The following CACUL1 variants were observed in gnomAD, a reference collection of about 807,000 sequenced individuals.
CACUL1 encodes CDK2 associated cullin domain 1, also known as CDK2-associated and cullin domain-containing protein 1.
A neutral mutation model predicts 45.2 loss-of-function variants in CACUL1; 13 were observed. The observed-to-expected ratio is 0.29, with a 90% CI of 0.19 to 0.46. The LOEUF (loss-of-function observed/expected upper bound fraction) is 0.46, where lower values mean the gene tolerates loss of function less well. Among genes scored for constraint, CACUL1 ranks in the 20% least tolerant of loss-of-function variants. CACUL1 has a pLI of 1.00. For missense variants in CACUL1, 421 were observed against 471.4 expected, an observed-to-expected ratio of 0.89 and a Z score of 0.99; for synonymous variants, 197 against 174.2, an observed-to-expected ratio of 1.13 and a Z score of -1.03.
At chr10:118,711,020 T>G (rs1845479886) in intron 3 of CACUL1, among the ~76,000 whole-genome samples, 1 of 152,228 alleles carries the variant, frequency 6.6e-6, no homozygotes, top group Non-Finnish European at 1.5e-5. Context: ...TATATGCAAC[T>G]AGTAAGTAAA....
chr10:118,704,590 C>A (rs1845416350), intron 4 of CACUL1, among the ~76,000 whole-genome samples: 1 of 152,230 alleles, frequency 6.6e-6, no homozygotes, highest in Admixed American at 6.5e-5. Context: ...GACCCCCACC[C>A]TTCACCTATT....
chr10:118,715,582 G>A (rs1011190234), intron 3 of CACUL1, among the ~76,000 whole-genome samples: 2 of 152,036 alleles, frequency 1.3e-5, no homozygotes. Flanking sequence ...ATTAAACTAA[G>A]GAACCAAATA....
chr10:118,748,009 C>T (rs1281278194), intron 1 of CACUL1, among the ~76,000 whole-genome samples: 2 of 152,016 alleles, frequency 1.3e-5, no homozygotes, highest in Admixed American at 6.6e-5. Context: ...CACTTGAACC[C>T]GGGAGCCAGA....
At chr10:118,734,739 G>A (rs1053686312) in intron 1 of CACUL1, among the ~76,000 whole-genome samples, 4 of 152,288 alleles carry the variant, frequency 2.6e-5, no homozygotes, top group South Asian at 2.1e-4. Flanking sequence ...ACATCATGCC[G>A]CAAGGCTTAA....
intron 1 of CACUL1, among the ~76,000 whole-genome samples, chr10:118,743,762 G>GA (rs1158665276): frequency 6.6e-6 from 1 of 151,500 alleles, no homozygotes; most frequent in African/African-American, 2.4e-5. Flanking sequence ...ATGCAGGTCA[G>GA]AAGACAATGG....
At chr10:118,688,272 T>C (rs1845227915) in intron 7 of CACUL1, among the ~76,000 whole-genome samples, 1 of 152,246 alleles carries the variant, frequency 6.6e-6, no homozygotes, top group African/African-American at 2.4e-5. Context: ...ACCTCTGTAG[T>C]CAACACTACA....
At chr10:118,745,469 G>A (rs1845832494) in intron 1 of CACUL1, among the ~76,000 whole-genome samples, 3 of 152,170 alleles carry the variant, frequency 2.0e-5, no homozygotes, top group Admixed American at 2.0e-4. Context: ...GGCTGAGAAA[G>A]GGAATCGCTT....
At chr10:118,710,141 G>GTCTTAAAT (rs1845470891) in intron 3 of CACUL1, among the ~76,000 whole-genome samples, 2 of 151,286 alleles carry the variant, frequency 1.3e-5, no homozygotes, top group Admixed American at 1.3e-4. Flanking sequence ...GCCCAGACTG[G>GTCTTAAAT]TCTTAAATTC....
intron 4 of CACUL1, among the ~76,000 whole-genome samples, chr10:118,702,318 T>G (rs1275431350): frequency 6.6e-6 from 1 of 152,182 alleles, no homozygotes; most frequent in African/African-American, 2.4e-5. Context: ...CACAAAAGCC[T>G]GTTGGTGGTC....
chr10:118,744,034 C>T (rs1191779329), intron 1 of CACUL1, among the ~76,000 whole-genome samples: 3 of 152,202 alleles, frequency 2.0e-5, no homozygotes, highest in Non-Finnish European at 4.4e-5. Context: ...AAATACAAAA[C>T]ACTTACATTC....
intron 3 of CACUL1, among the ~76,000 whole-genome samples, chr10:118,718,560 T>G (rs1264525365): frequency 6.6e-6 from 1 of 152,090 alleles, no homozygotes; most frequent in East Asian, 1.9e-4. Context: ...GTGAAGATAT[T>G]TACTTTTATT....
At chr10:118,687,238 G>A (rs1245129395) in intron 7 of CACUL1, among the ~76,000 whole-genome samples, 1 of 151,936 alleles carries the variant, frequency 6.6e-6, no homozygotes, top group Non-Finnish European at 1.5e-5. Flanking sequence ...CTCTCCACAG[G>A]CCAGAGGCTC....
rs190454186 is a variant in CACUL1, at chr10:118,682,004, C to T, written c.*4124G>A. The T allele has an allele frequency of 2.0e-5, 3 of 152,316 alleles. No individual in the cohort carries two copies. The East Asian group carries it at 5.8e-4, about 29-fold the overall frequency. The allele number at this position is 152,316 out of a possible 1,614,324, so 9.4% of individuals were successfully genotyped here. On this transcript the variant is annotated 3_prime_UTR_variant, in exon 9 of 9. Transcript: ENST00000369151. ...CTATGACCTCCATTTTAACTTCTGA[C>T]AAAGTTAACTTCATTTATACAATCG...
chr10:118,677,865 T>C lies in CACUL1; in HGVS notation c.*8263A>G, dbSNP rs180968437. 23 of 152,374 alleles carry C rather than the reference T, an allele frequency of 1.5e-4. No homozygotes were observed. Among genetic ancestry groups the C allele is most frequent in the African/African-American group, 5.5e-4 (23 of 41,596 alleles). The allele number at this position is 152,374 out of a possible 1,614,324, so 9.4% of individuals were successfully genotyped here. On this transcript the variant is annotated 3_prime_UTR_variant, in exon 9 of 9. Coordinates refer to ENST00000369151, the MANE Select transcript of CACUL1 (RefSeq NM_153810.5). Reference sequence around the variant, plus strand: ...ACATGCACATGAGTTTTTCTAAGTATAAATAGTGGGCTATTAAGAGGTGCC... The same window carrying C: ...ACATGCACATGAGTTTTTCTAAGTACAAATAGTGGGCTATTAAGAGGTGCC...
intron 3 of CACUL1, among the ~76,000 whole-genome samples, chr10:118,726,929 CGCT>C (rs1054749403): frequency 2.0e-5 from 3 of 152,094 alleles, no homozygotes; most frequent in East Asian, 1.9e-4. Flanking sequence ...AACCACTCCC[CGCT>C]GCTATTTAAT....
At chr10:118,703,656 A>C (rs900012997) in intron 4 of CACUL1, among the ~76,000 whole-genome samples, 3 of 152,212 alleles carry the variant, frequency 2.0e-5, no homozygotes, top group African/African-American at 7.2e-5. Flanking sequence ...TCTTCCAAAG[A>C]GGCTTTACCA....
intron 1 of CACUL1, among the ~76,000 whole-genome samples, chr10:118,730,798 T>A (rs962150558): frequency 6.6e-6 from 1 of 152,102 alleles, no homozygotes; most frequent in South Asian, 2.1e-4. Context: ...ACAGGAAAAT[T>A]TGGAGAAATC....
At position 118,685,084 on chromosome 10, in the gene CACUL1, T is replaced by A. The variant is rs1845190947; in HGVS notation, c.*1044A>T. ...TAATGTTCAAATGACAGACTTTTTTTAAGTAATTATCTCATTCATTTAAAA... is the reference window on the plus strand; with the variant it reads ...TAATGTTCAAATGACAGACTTTTTTAAAGTAATTATCTCATTCATTTAAAA... On this transcript the variant is annotated 3_prime_UTR_variant, in exon 9 of 9. Coordinates refer to ENST00000369151, the MANE Select transcript of CACUL1 (RefSeq NM_153810.5). 2.6e-5 allele frequency: 4 copies of A among 152,188 alleles called. No homozygotes were observed. The highest frequency in any genetic ancestry group is 2.0e-4 in the Admixed American group (3 of 15,278). The allele number at this position is 152,188 out of a possible 1,614,324, so 9.4% of individuals were successfully genotyped here.
intron 3 of CACUL1, among the ~76,000 whole-genome samples, chr10:118,715,835 G>A (rs115606887): frequency 0.013 from 1,945 of 152,288 alleles, 41 homozygotes; most frequent in African/African-American, 0.044. Context: ...AAGTAGACAA[G>A]AAGGGATGGA....
Sources: gnomAD v4.1 joint callset for allele counts (sites outside exome capture counted in the v4.1 genomes callset) on GRCh38, gnomAD v4.1.1 for gene constraint, MANE v1.5 for transcripts, NCBI Gene and HGNC (gene_info 2026-07-23, HGNC 2026-07-21) for gene names.